FNDC3B: variants seen among roughly 807,000 people sequenced by gnomAD.
FNDC3B encodes the protein fibronectin type III domain-containing protein 3B.
Under a neutral mutation model 151.5 loss-of-function variants are expected in FNDC3B, and 12 were observed. The observed-to-expected ratio is 0.08, with a 90% CI of 0.05 to 0.13. The LOEUF (loss-of-function observed/expected upper bound fraction) is 0.13, where lower values mean the gene tolerates loss of function less well. Ranked by LOEUF, FNDC3B falls within the 10% of genes least tolerant of loss-of-function variation. FNDC3B has a pLI of 1.00. For synonymous variants in FNDC3B, 528 were observed against 549.0 expected, an observed-to-expected ratio of 0.96 and a Z score of 0.54; for missense variants, 1,214 against 1,505.3, an observed-to-expected ratio of 0.81 and a Z score of 3.20.
chr3:172,097,119 C>T lies in FNDC3B; in HGVS notation c.-28-15333C>T, dbSNP rs142454957. Among the ~76,000 whole-genome samples the T allele has an allele frequency of 1.6e-3, 246 of 152,220 alleles. 2 individuals carry two copies. The East Asian group carries it at 0.024, about 15-fold the overall frequency. Reference sequence around the variant, plus strand: ...TTGCTGATTCCCATTTGATTGACAGCGAGTTCTCCACCCAGAAAGTTTGAT... The same window carrying T: ...TTGCTGATTCCCATTTGATTGACAGTGAGTTCTCCACCCAGAAAGTTTGAT... On this transcript the variant is annotated intron_variant, in intron 1 of 25. Coordinates refer to ENST00000415807, the MANE Select transcript of FNDC3B (RefSeq NM_022763.4).
chr3:172,204,471 C>T (rs1254834553), intron 3 of FNDC3B, among the ~76,000 whole-genome samples: 1 of 152,080 alleles, frequency 6.6e-6, no homozygotes, highest in Non-Finnish European at 1.5e-5. Context: ...CATTTCTGTG[C>T]ATGTATACAT....
intron 23 of FNDC3B, among the ~76,000 whole-genome samples, chr3:172,366,629 A>G (rs1384976550): frequency 6.6e-6 from 1 of 152,232 alleles, no homozygotes; most frequent in East Asian, 1.9e-4. Context: ...CTGGTGGGTA[A>G]TGGTAGAACA....
chr3:172,165,847 T>C (rs1322394540), intron 3 of FNDC3B, among the ~76,000 whole-genome samples: 2 of 152,212 alleles, frequency 1.3e-5, no homozygotes, highest in Non-Finnish European at 2.9e-5. Flanking sequence ...TTTCCTATAA[T>C]ATTCATAATA....
chr3:172,328,121 C>G lies in FNDC3B; in HGVS notation c.1255-831C>G, dbSNP rs9824947. Among the ~76,000 whole-genome samples the G allele has an allele frequency of 9.7e-3, 1,470 of 152,302 alleles. 33 individuals are homozygous for G. The highest frequency in any genetic ancestry group is 0.034 in the African/African-American group (1,400 of 41,572). ...TTGTTGAACCTAATACGAGACCCCA[C>G]TAGAGTGTTTTATTTTTACTTTAAC... On this transcript the variant is annotated intron_variant, in intron 11 of 25. Coordinates refer to ENST00000415807, the MANE Select transcript of FNDC3B (RefSeq NM_022763.4).
intron 3 of FNDC3B, among the ~76,000 whole-genome samples, chr3:172,196,379 G>A (rs1724832799): frequency 1.3e-5 from 2 of 151,916 alleles, no homozygotes; most frequent in African/African-American, 4.8e-5. Context: ...AGGGATGGGG[G>A]TCTTGCTCTG....
At chr3:172,334,515 T>C (rs1269540624) in intron 14 of FNDC3B, among the ~76,000 whole-genome samples, 1 of 152,246 alleles carries the variant, frequency 6.6e-6, no homozygotes, top group Non-Finnish European at 1.5e-5. Context: ...TGATCTTGGC[T>C]CACCGCAACC....
chr3:172,055,138 C>T (rs760681762), intron 1 of FNDC3B, among the ~76,000 whole-genome samples: 29 of 152,058 alleles, frequency 1.9e-4, no homozygotes, highest in Admixed American at 9.8e-4. Context: ...GGAGTCTCTT[C>T]GGAAGTTCAT....
chr3:172,215,522 G>A (rs1367941388), intron 3 of FNDC3B, among the ~76,000 whole-genome samples: 7 of 152,154 alleles, frequency 4.6e-5, no homozygotes, highest in South Asian at 2.1e-4. Context: ...TCAAGAGTTC[G>A]AGACCAGCCT....
intron 1 of FNDC3B, among the ~76,000 whole-genome samples, chr3:172,076,287 T>C (rs761521863): frequency 1.4e-4 from 21 of 152,222 alleles, no homozygotes; most frequent in Non-Finnish European, 2.2e-4. Context: ...TACTATGTGT[T>C]AGGGCTATCC....
intron 6 of FNDC3B, among the ~76,000 whole-genome samples, chr3:172,281,211 ATTTATATTTATT>A (rs1271854492): frequency 9.9e-4 from 133 of 135,020 alleles, no homozygotes; most frequent in African/African-American, 3.5e-3. Context: ...TATTATTATT[ATTTATATTTATT>A]TATTTATTTA....
At chr3:172,224,643 T>C (rs556767819) in intron 3 of FNDC3B, among the ~76,000 whole-genome samples, 2 of 152,352 alleles carry the variant, frequency 1.3e-5, no homozygotes, top group East Asian at 3.9e-4. Flanking sequence ...CTGGTTGTAC[T>C]GTGAAGTGAA....
intron 3 of FNDC3B, among the ~76,000 whole-genome samples, chr3:172,188,157 G>A (rs1231407904): frequency 4.6e-5 from 7 of 151,632 alleles, no homozygotes; most frequent in South Asian, 2.1e-4. Context: ...CACCACGCCC[G>A]GCTAATTTTG....
At chr3:172,080,587 G>C (rs1198076192) in intron 1 of FNDC3B, among the ~76,000 whole-genome samples, 2 of 151,994 alleles carry the variant, frequency 1.3e-5, no homozygotes, top group Admixed American at 6.6e-5. Context: ...CTGAATCGTT[G>C]AATTTTTGAC....
chr3:172,395,556 C>T (rs1736231207), intron 25 of FNDC3B, among the ~76,000 whole-genome samples: 2 of 152,132 alleles, frequency 1.3e-5, no homozygotes, highest in African/African-American at 4.8e-5. Flanking sequence ...GAGATGAAAA[C>T]TCAAGACAGA....
intron 1 of FNDC3B, among the ~76,000 whole-genome samples, chr3:172,090,174 G>A (rs1050290098): frequency 6.6e-6 from 1 of 152,136 alleles, no homozygotes; most frequent in Admixed American, 6.5e-5. Context: ...AACTTCAAAC[G>A]TGCCTCCTTT....
At chr3:172,315,504 T>A (rs1348718666) in intron 11 of FNDC3B, among the ~76,000 whole-genome samples, 2 of 152,252 alleles carry the variant, frequency 1.3e-5, no homozygotes, top group Non-Finnish European at 2.9e-5. Flanking sequence ...CCAAGTTCCC[T>A]TGTGGTGACT....
intron 1 of FNDC3B, among the ~76,000 whole-genome samples, chr3:172,080,247 G>C (rs562556547): frequency 1.4e-4 from 22 of 152,058 alleles, no homozygotes; most frequent in African/African-American, 4.1e-4. Context: ...ACCCTTGAAG[G>C]CATCTTCTGA....
chr3:172,205,067 G>A (rs1273396211), intron 3 of FNDC3B, among the ~76,000 whole-genome samples: 3 of 152,008 alleles, frequency 2.0e-5, no homozygotes, highest in Non-Finnish European at 4.4e-5. Flanking sequence ...GCAGTAAACC[G>A]TTGCCTGGCC....
chr3:172,089,921 AT>A (rs1718726386), intron 1 of FNDC3B, among the ~76,000 whole-genome samples: 1 of 152,188 alleles, frequency 6.6e-6, no homozygotes, highest in African/African-American at 2.4e-5. Context: ...TTAATGACAA[AT>A]ATGATTTCGA....
Sources: allele counts gnomAD v4.1 joint callset (sites outside exome capture counted in the v4.1 genomes callset), GRCh38; gene constraint gnomAD v4.1.1; transcripts MANE v1.5; gene names NCBI Gene and HGNC (gene_info 2026-07-23, HGNC 2026-07-21).